Variants in CNTN4 observed in about 807,000 individuals in gnomAD.
CNTN4 encodes contactin-4.
Under a neutral mutation model 122.5 loss-of-function variants are expected in CNTN4, and 77 were observed. The observed-to-expected ratio is 0.63, with a 90% confidence interval of 0.52 to 0.76. The LOEUF (loss-of-function observed/expected upper bound fraction) is 0.76. Among genes scored for constraint, CNTN4 ranks in the 30% least tolerant of loss-of-function variants. CNTN4 has a pLI of 0.00. For missense variants in CNTN4, 1,256 were observed against 1,259.1 expected (o/e 1.00, Z 0.04); for synonymous variants, 512 against 447.0 (o/e 1.15, Z -1.83).
Position 2,584,901 on chromosome 3 carries a change from G to A in CNTN4, c.55+13343G>A, listed in dbSNP as rs1296735796. On this transcript the variant is annotated intron_variant, in intron 4 of 24. Coordinates refer to ENST00000418658, the MANE Select transcript of CNTN4 (RefSeq NM_175607.3). ...AGGTAGGTAGATACGAAGTAGGAAG[G>A]TAGGTAGGTAGGTAGGTAGATAGAT... Among the ~76,000 whole-genome samples the A allele has an allele frequency of 2.0e-5, 3 of 151,318 alleles. No homozygotes were observed. The East Asian group carries it at 5.9e-4, about 30-fold the overall frequency.
intron 4 of CNTN4, among the ~76,000 whole-genome samples, chr3:2,634,276 G>A (rs1310599953): frequency 6.6e-6 from 1 of 152,090 alleles, no homozygotes; most frequent in Non-Finnish European, 1.5e-5. Context: ...TGCAAACACT[G>A]CTTAAAGTCT....
intron 3 of CNTN4, among the ~76,000 whole-genome samples, chr3:2,466,696 A>G (rs1402892372): frequency 1.3e-5 from 2 of 152,276 alleles, no homozygotes; most frequent in African/African-American, 4.8e-5. Flanking sequence ...TATTGTTTTC[A>G]TGATGAAGCT....
chr3:2,628,311 G>T (rs558375025), intron 4 of CNTN4, among the ~76,000 whole-genome samples: 1 of 152,170 alleles, frequency 6.6e-6, no homozygotes, highest in Non-Finnish European at 1.5e-5. Flanking sequence ...AGGAGGTGCC[G>T]CAGGAACACT....
chr3:2,671,905 A>AAACAGCAAATATTGCTG (rs368172423), intron 4 of CNTN4, among the ~76,000 whole-genome samples: 188 of 151,954 alleles, frequency 1.2e-3, no homozygotes, highest in Non-Finnish European at 1.5e-3. Flanking sequence ...GGAGGCTGCA[A>AAACAGCAAATATTGCTG]AACAGCAAAT....
chr3:3,051,398 G>T (rs1701256936), intron 23 of CNTN4, among the ~76,000 whole-genome samples: 1 of 152,168 alleles, frequency 6.6e-6, no homozygotes. Flanking sequence ...AGACTGATAA[G>T]CAGTGCTGAT....
At chr3:2,646,721 G>C (rs1460003114) in intron 4 of CNTN4, among the ~76,000 whole-genome samples, 1 of 152,130 alleles carries the variant, frequency 6.6e-6, no homozygotes, top group Non-Finnish European at 1.5e-5. Context: ...CAAGATCAAG[G>C]CTTCAGAAGT....
chr3:2,918,628 A>G (rs923396768), intron 12 of CNTN4, among the ~76,000 whole-genome samples: 62 of 152,232 alleles, frequency 4.1e-4, no homozygotes, highest in Non-Finnish European at 5.4e-4. Flanking sequence ...AGAAATTGGC[A>G]AGGACTACAA....
intron 3 of CNTN4, among the ~76,000 whole-genome samples, chr3:2,477,261 A>T (rs2075860411): frequency 6.6e-6 from 1 of 152,232 alleles, no homozygotes; most frequent in Admixed American, 6.5e-5. Flanking sequence ...CCAAAACTGA[A>T]GGCTCCAACT....
intron 14 of CNTN4, among the ~76,000 whole-genome samples, chr3:3,024,613 C>T (rs535790084): frequency 6.6e-6 from 1 of 152,162 alleles, no homozygotes; most frequent in African/African-American, 2.4e-5. Flanking sequence ...TTATCATGAT[C>T]TTTTCCTATT....
intron 4 of CNTN4, among the ~76,000 whole-genome samples, chr3:2,630,871 A>G (rs559978586): frequency 5.3e-5 from 8 of 152,306 alleles, no homozygotes. Flanking sequence ...CTGGGTGAAG[A>G]CAGGCATTGT....
intron 2 of CNTN4, among the ~76,000 whole-genome samples, chr3:2,117,942 C>G (rs1427208503): frequency 6.6e-6 from 1 of 152,036 alleles, no homozygotes; most frequent in Non-Finnish European, 1.5e-5. Flanking sequence ...ATGTTTAGAG[C>G]TTGTTTTTAA....
intron 3 of CNTN4, among the ~76,000 whole-genome samples, chr3:2,530,685 A>G (rs1172486547): frequency 2.0e-5 from 3 of 152,012 alleles, no homozygotes; most frequent in South Asian, 2.1e-4. Flanking sequence ...GTATGTTAGC[A>G]TTGTCTTTTA....
intron 12 of CNTN4, among the ~76,000 whole-genome samples, chr3:2,922,785 A>C (rs1340186709): frequency 2.0e-5 from 3 of 151,854 alleles, no homozygotes; most frequent in Non-Finnish European, 4.4e-5. Context: ...CTAATTTTGT[A>C]TTTTTAGTAG....
At chr3:2,682,331 G>A (rs1400205) in intron 4 of CNTN4, among the ~76,000 whole-genome samples, 60,464 of 152,054 alleles carry the variant, frequency 0.4, 13,432 homozygotes, top group African/African-American at 0.59. Context: ...TCATGGAAAA[G>A]GTGGCTCGTT....
intron 2 of CNTN4, among the ~76,000 whole-genome samples, chr3:2,229,781 T>C (rs930442774): frequency 2.6e-5 from 4 of 152,226 alleles, no homozygotes; most frequent in African/African-American, 9.6e-5. Context: ...TAAGTACTAA[T>C]AATTATTAAT....
intron 3 of CNTN4, among the ~76,000 whole-genome samples, chr3:2,531,789 A>G (rs2077607018): frequency 6.6e-6 from 1 of 152,162 alleles, no homozygotes; most frequent in Non-Finnish European, 1.5e-5. Context: ...TTGAGAGGCT[A>G]ATGCATGCAA....
At chr3:2,227,636 T>A (rs1311585110) in intron 2 of CNTN4, among the ~76,000 whole-genome samples, 1 of 152,136 alleles carries the variant, frequency 6.6e-6, no homozygotes, top group Non-Finnish European at 1.5e-5. Flanking sequence ...TGTGGGTAAG[T>A]AATAAGAACA....
At chr3:2,340,060 A>G (rs533218285) in intron 3 of CNTN4, among the ~76,000 whole-genome samples, 87 of 152,342 alleles carry the variant, frequency 5.7e-4, no homozygotes, top group African/African-American at 2.0e-3. Flanking sequence ...GATAGCAGTC[A>G]TTGAATTAGG....
Position 3,034,772 on chromosome 3 carries a change from T to G in CNTN4, c.1924T>G (p.Trp642Gly). Residue 642 changes from tryptophan to glycine, a missense_variant, in exon 17 of 25, where the codon TGG becomes GGG. Physicochemically the swap from Trp to Gly is radical, Grantham distance 184. Coordinates refer to ENST00000418658, the MANE Select transcript of CNTN4 (RefSeq NM_175607.3). ...IQARTPFSVG[W>G]QAVSTVPELI... ...AGCCAGGACTCCATTCTCCGTGGGC[T>G]GGCAAGCAGTCAGTACAGGTACCAT... 6.2e-7 allele frequency: 1 copy of G among 1,614,086 alleles called. No individual in the cohort carries two copies. Among genetic ancestry groups the G allele is most frequent in the Non-Finnish European group, 8.5e-7 (1 of 1,179,988 alleles).
Sources: gnomAD v4.1 joint callset for allele counts (sites outside exome capture counted in the v4.1 genomes callset) on GRCh38, gnomAD v4.1.1 for gene constraint, MANE v1.5 for transcripts, NCBI Gene and HGNC (gene_info 2026-07-23, HGNC 2026-07-21) for gene names.